The following FUCA2 variants were observed in gnomAD, a reference collection of about 807,000 sequenced individuals.
FUCA2 encodes plasma alpha-L-fucosidase.
In FUCA2, 41 loss-of-function variants were observed where a neutral mutation model predicts 52.6. The observed-to-expected ratio is 0.78, with a 90% CI of 0.61 to 1.01. The LOEUF (loss-of-function observed/expected upper bound fraction) is 1.01, where lower values mean the gene tolerates loss of function less well. FUCA2 is among the 50% of genes least tolerant of loss of function. The probability of loss-of-function intolerance (pLI) is 0.00; values close to 1 mark genes in which losing one functional copy is unlikely to be tolerated. For synonymous variants in FUCA2, 211 were observed against 217.3 expected (o/e 0.97, Z 0.26); for missense variants, 507 against 569.5 (o/e 0.89, Z 1.12).
chr6:143,502,189 G>A lies in FUCA2; in HGVS notation c.964-67C>T, dbSNP rs1780538582. 1.4e-6 allele frequency: 2 copies of A among 1,379,676 alleles called. No homozygotes were observed. The highest frequency in any genetic ancestry group is 2.2e-5 in the Admixed American group (1 of 46,250). The allele number at this position is 1,379,676 out of a possible 1,614,324, so 85.5% of individuals were successfully genotyped here. On this transcript the variant is annotated intron_variant, in intron 4 of 6. Coordinates refer to ENST00000002165, the MANE Select transcript of FUCA2 (RefSeq NM_032020.5). This position sits in a 1 kb window ranked among gnomAD's most constrained non-coding sequence, Gnocchi z 4.1. ...TCCATCTTTAATGTGCTAATATGTTGCATTTATATATTTATACATGTATAT... is the reference window on the plus strand; with the variant it reads ...TCCATCTTTAATGTGCTAATATGTTACATTTATATATTTATACATGTATAT...
At chr6:143,508,636 C>T (rs1005529581) in intron 1 of FUCA2, among the ~76,000 whole-genome samples, 1 of 152,218 alleles carries the variant, frequency 6.6e-6, no homozygotes, top group Admixed American at 6.5e-5. Flanking sequence ...TGGTTTCCCT[C>T]CTAATGAAAA....
Position 143,501,875 on chromosome 6 carries a change from G to A in FUCA2, c.1154+57C>T. On this transcript the variant is annotated intron_variant, in intron 5 of 6. Transcript: ENST00000002165. This position sits in a 1 kb window ranked among gnomAD's most constrained non-coding sequence, Gnocchi z 6.1. ...TTATCCTACTCTTCTTTATATGTCT[G>A]ATAAATTTTAAATCTCTTCCTTTAT... 6.9e-7 allele frequency: 1 copy of A among 1,455,418 alleles called. No homozygotes were observed. Among genetic ancestry groups the A allele is most frequent in the Non-Finnish European group, 9.4e-7 (1 of 1,062,068 alleles). 90.2% of individuals were successfully genotyped at this position (1,455,418 alleles called of 1,614,324 possible).
At position 143,502,261 on chromosome 6, in the gene FUCA2, T is replaced by C. The variant is rs1780539731; in HGVS notation, c.963+94A>G. On this transcript the variant is annotated intron_variant, in intron 4 of 6. Coordinates refer to ENST00000002165, the MANE Select transcript of FUCA2 (RefSeq NM_032020.5). The surrounding 1 kb of genome is among the most constrained non-coding windows in gnomAD (Gnocchi z 4.1). Reference sequence around the variant, plus strand: ...AAACACAGGATAGAACAATGTCCTATATTTATAGGCCATTGAGCCATAGAA... The same window carrying C: ...AAACACAGGATAGAACAATGTCCTACATTTATAGGCCATTGAGCCATAGAA... 3 of 1,391,008 alleles carry C rather than the reference T, an allele frequency of 2.2e-6. No individual in the cohort carries two copies. The highest frequency in any genetic ancestry group is 1.4e-5 in the African/African-American group (1 of 69,612). The allele number at this position is 1,391,008 out of a possible 1,614,324, so 86.2% of individuals were successfully genotyped here. A position where few individuals can be genotyped will look rare whatever the true frequency, so the allele number is the denominator to read the frequency against.
Position 143,507,560 on chromosome 6 carries a change from C to T in FUCA2, c.225-136G>A, listed in dbSNP as rs1780625273. ...CTTTCTCACTTCCCCATTAGTTTGA[C>T]TTGGCTTTAAAGATAGCTTATGCAA... On this transcript the variant is annotated intron_variant, in intron 1 of 6. Transcript: ENST00000002165. This position sits in a 1 kb window ranked among gnomAD's most constrained non-coding sequence, Gnocchi z 4.5. 3.1e-6 allele frequency: 2 copies of T among 639,868 alleles called. No individual in the cohort carries two copies. Among genetic ancestry groups the T allele is most frequent in the Non-Finnish European group, 5.1e-6 (2 of 393,548 alleles). 39.6% of individuals were successfully genotyped at this position (639,868 alleles called of 1,614,324 possible). A position where few individuals can be genotyped will look rare whatever the true frequency, so the allele number is the denominator to read the frequency against.
At chr6:143,505,377 C>T (rs906595014) in intron 2 of FUCA2, 6 of 135,660 alleles carry the variant, frequency 4.4e-5, no homozygotes, top group African/African-American at 1.5e-4. Flanking sequence ...TTCAGTGGTG[C>T]GAACTTCGCT....
At chr6:143,498,115 G>A (rs1780484342) in intron 5 of FUCA2, among the ~76,000 whole-genome samples, 1 of 151,948 alleles carries the variant, frequency 6.6e-6, no homozygotes, top group African/African-American at 2.4e-5. Context: ...CATTTAATCT[G>A]AGACTTAAAG....
Position 143,497,501 on chromosome 6 carries a change from G to C in FUCA2, c.1155-4C>G. The C allele has an allele frequency of 6.5e-7, 1 of 1,548,760 alleles. No individual in the cohort carries two copies. Among genetic ancestry groups the C allele is most frequent in the Non-Finnish European group, 8.9e-7 (1 of 1,123,652 alleles). On this transcript the variant is annotated splice_polypyrimidine_tract_variant and splice_region_variant and intron_variant, in intron 5 of 6. Coordinates refer to ENST00000002165, the MANE Select transcript of FUCA2 (RefSeq NM_032020.5). The surrounding 1 kb of genome is among the most constrained non-coding windows in gnomAD (Gnocchi z 5.3). ...TTCTTTAGGCTTGGATGTGTACCTG[G>C]TTAAAAGAAAAAAATAAAGAGCATA...
Position 143,502,567 on chromosome 6 carries a change from T to C in FUCA2, c.753-2A>G. On this transcript the variant is annotated splice_acceptor_variant, in intron 3 of 6. Transcript: ENST00000002165. LOFTEE classifies it high-confidence loss of function. This position sits in a 1 kb window ranked among gnomAD's most constrained non-coding sequence, Gnocchi z 4.1. ...GTGACTACTGTGCCCCGAACTGGGC[T>C]GAAATGAAACATACAATTTTTTAAA... 1.2e-6 allele frequency: 2 copies of C among 1,607,202 alleles called. No individual in the cohort carries two copies. The highest frequency in any genetic ancestry group is 1.7e-6 in the Non-Finnish European group (2 of 1,178,062).
Position 143,500,910 on chromosome 6 carries a change from C to G in FUCA2, c.1154+1022G>C, listed in dbSNP as rs1202766141. ...AGGCTCCTATGGTGAGGAGGGAGAG[C>G]AGGACCACTCAGTGGCAGGGAAGTT... On this transcript the variant is annotated intron_variant, in intron 5 of 6. Coordinates refer to ENST00000002165, the MANE Select transcript of FUCA2 (RefSeq NM_032020.5). The surrounding 1 kb of genome is among the most constrained non-coding windows in gnomAD (Gnocchi z 6.9). 1.3e-5 allele frequency among the ~76,000 whole-genome samples: 2 copies of G among 152,064 alleles called. No individual in the cohort carries two copies. The highest frequency in any genetic ancestry group is 4.8e-5 in the African/African-American group (2 of 41,402).
Position 143,511,696 on chromosome 6 carries a change from C to A in FUCA2, c.-62G>T. The A allele has an allele frequency of 7.3e-7, 1 of 1,376,860 alleles. No individual in the cohort carries two copies. Among genetic ancestry groups the A allele is most frequent in the East Asian group, 2.6e-5 (1 of 38,286 alleles). 85.3% of individuals were successfully genotyped at this position (1,376,860 alleles called of 1,614,324 possible). Reference sequence around the variant, plus strand: ...CCGCGGCCTCGGGAGCGCTGTTCTTCCGTCTCTGCCGCTGAGTATGCCGCG... The same window carrying A: ...CCGCGGCCTCGGGAGCGCTGTTCTTACGTCTCTGCCGCTGAGTATGCCGCG... On this transcript the variant is annotated 5_prime_UTR_variant, in exon 1 of 7. Coordinates refer to ENST00000002165, the MANE Select transcript of FUCA2 (RefSeq NM_032020.5). The surrounding 1 kb of genome is among the most constrained non-coding windows in gnomAD (Gnocchi z 6.3).
chr6:143,507,422 C>T lies in FUCA2; in HGVS notation c.227G>A (p.Trp76Ter). The stretch of plus-strand genomic sequence containing the variant: ...CGGTATCTTTTCCTTTTGCCAATAC[C>T]ACCTAAGGGGAGGAAAGGAAAGAGT... Reference protein sequence around the residue: ...VPSFGSEWFWWYWQKEKIPKY... With the variant: ...VPSFGSEWFW Residue 76 changes from tryptophan (W) to a stop codon, truncating the protein, a stop_gained and splice_region_variant, in exon 2 of 7, where the codon TGG becomes TAG. Coordinates refer to ENST00000002165, the MANE Select transcript of FUCA2 (RefSeq NM_032020.5). LOFTEE classifies it high-confidence loss of function. The surrounding 1 kb of genome is among the most constrained non-coding windows in gnomAD (Gnocchi z 4.5). 1.3e-6 allele frequency: 2 copies of T among 1,586,680 alleles called. No homozygotes were observed. The highest frequency in any genetic ancestry group is 1.7e-6 in the Non-Finnish European group (2 of 1,171,806).
At position 143,507,482 on chromosome 6, in the gene FUCA2, C is replaced by T. The variant is rs2128422610; in HGVS notation, c.225-58G>A. ...GCACATACACACATATTTAAAAGAACTGCTCCAGCTCCCCTTACCATTTAC... is the reference window on the plus strand; with the variant it reads ...GCACATACACACATATTTAAAAGAATTGCTCCAGCTCCCCTTACCATTTAC... On this transcript the variant is annotated intron_variant, in intron 1 of 6. Coordinates refer to ENST00000002165, the MANE Select transcript of FUCA2 (RefSeq NM_032020.5). This position sits in a 1 kb window ranked among gnomAD's most constrained non-coding sequence, Gnocchi z 4.5. 5.7e-6 allele frequency: 7 copies of T among 1,222,070 alleles called. No homozygotes were observed. In the South Asian group the frequency reaches 9.4e-5, roughly 16 times the overall value. The allele number at this position is 1,222,070 out of a possible 1,614,324, so 75.7% of individuals were successfully genotyped here. A position where few individuals can be genotyped will look rare whatever the true frequency, so the allele number is the denominator to read the frequency against.
Position 143,501,864 on chromosome 6 carries a change from T to C in FUCA2, c.1154+68A>G, listed in dbSNP as rs1455708957. ...AATTTCTCTTTTTATCCTACTCTTC[T>C]TTATATGTCTGATAAATTTTAAATC... On this transcript the variant is annotated intron_variant, in intron 5 of 6. Coordinates refer to ENST00000002165, the MANE Select transcript of FUCA2 (RefSeq NM_032020.5). The surrounding 1 kb of genome is among the most constrained non-coding windows in gnomAD (Gnocchi z 6.1). The C allele has an allele frequency of 7.2e-7, 1 of 1,388,534 alleles. No homozygotes were observed. 86.0% of individuals were successfully genotyped at this position (1,388,534 alleles called of 1,614,324 possible). A position where few individuals can be genotyped will look rare whatever the true frequency, so the allele number is the denominator to read the frequency against.
Position 143,504,036 on chromosome 6 carries a change from A to G in FUCA2, c.629T>C (p.Leu210Ser). 6.2e-7 allele frequency: 1 copy of G among 1,614,150 alleles called. No individual in the cohort carries two copies. Among genetic ancestry groups the G allele is most frequent in the Non-Finnish European group, 8.5e-7 (1 of 1,180,018 alleles). The change falls in exon 3 of 7, where the codon TTG becomes TCG. Residue 210 changes from leucine to serine, a missense_variant. Coordinates refer to ENST00000002165, the MANE Select transcript of FUCA2 (RefSeq NM_032020.5). This position sits in a 1 kb window ranked among gnomAD's most constrained non-coding sequence, Gnocchi z 4.4. ...HKRQFPVSKT[L>S]PELYELVNNY... ...GTTCACTAACTCATAGAGCTCTGGC[A>G]ATGTCTTAGAAACTGGAAATTGCCG...
chr6:143,501,336 C>A lies in FUCA2; in HGVS notation c.1154+596G>T, dbSNP rs567975038. Among the ~76,000 whole-genome samples, 4 of 152,286 alleles carry A rather than the reference C, an allele frequency of 2.6e-5. No homozygotes were observed. The highest frequency in any genetic ancestry group is 4.4e-5 in the Non-Finnish European group (3 of 68,032). On this transcript the variant is annotated intron_variant, in intron 5 of 6. Coordinates refer to ENST00000002165, the MANE Select transcript of FUCA2 (RefSeq NM_032020.5). The surrounding 1 kb of genome is among the most constrained non-coding windows in gnomAD (Gnocchi z 6.1). Reference sequence around the variant, plus strand: ...ACAGTACTCAGGTGGCAACTGAAAGCGAATTTTTAGAACTTCACCAATACT... The same window carrying A: ...ACAGTACTCAGGTGGCAACTGAAAGAGAATTTTTAGAACTTCACCAATACT...
chr6:143,495,740 C>G lies in FUCA2; in HGVS notation c.1371G>C (p.Trp457Cys). 1 of 1,614,012 alleles carries G rather than the reference C, an allele frequency of 6.2e-7. No individual in the cohort carries two copies. Among genetic ancestry groups the G allele is most frequent in the Non-Finnish European group, 8.5e-7 (1 of 1,179,958 alleles). ...CATTAGTCAGGGCTAGAGCCCAGCC[C>G]CATTTACACGGCATCTGATGAATGG... ...QLTIHQMPCK[W>C]GWALALTNVI The change falls in exon 7 of 7, where the codon TGG (tryptophan) becomes TGC (cysteine). Residue 457 changes from tryptophan (W) to cysteine (C), a missense_variant. Trp to Cys is a radical substitution (Grantham distance 215, BLOSUM62 -2). Coordinates refer to ENST00000002165, the MANE Select transcript of FUCA2 (RefSeq NM_032020.5). This position sits in a 1 kb window ranked among gnomAD's most constrained non-coding sequence, Gnocchi z 5.2.
At position 143,502,686 on chromosome 6, in the gene FUCA2, G is replaced by T. The variant is rs1314494051; in HGVS notation, c.753-121C>A. On this transcript the variant is annotated intron_variant, in intron 3 of 6. Transcript: ENST00000002165. This position sits in a 1 kb window ranked among gnomAD's most constrained non-coding sequence, Gnocchi z 4.1. ...TGAAAAGGGACCATGGCATAGTACA[G>T]TGGAAAGCCCATGGTTTTGAAGTCA... 2 of 821,302 alleles carry T rather than the reference G, an allele frequency of 2.4e-6. No homozygotes were observed. Among genetic ancestry groups the T allele is most frequent in the Non-Finnish European group, 3.7e-6 (2 of 538,298 alleles). The allele number at this position is 821,302 out of a possible 1,614,324, so 50.9% of individuals were successfully genotyped here.
chr6:143,498,773 CTGAT>C (rs1166185327), intron 5 of FUCA2, among the ~76,000 whole-genome samples: 6 of 152,070 alleles, frequency 3.9e-5, no homozygotes, highest in Admixed American at 6.5e-5. Flanking sequence ...AAAGTATACT[CTGAT>C]TGCTTTGTGG....
In FUCA2 at chr6:143,502,846, G is replaced by A. The variant is rs1455037061; in HGVS notation, c.753-281C>T. On this transcript the variant is annotated intron_variant, in intron 3 of 6. Coordinates refer to ENST00000002165, the MANE Select transcript of FUCA2 (RefSeq NM_032020.5). The surrounding 1 kb of genome is among the most constrained non-coding windows in gnomAD (Gnocchi z 4.1). ...CAAAAATAAGTTATGTAAAACATTAGCCTGGTACCCAGCACATATAGCACT... is the reference window on the plus strand; with the variant it reads ...CAAAAATAAGTTATGTAAAACATTAACCTGGTACCCAGCACATATAGCACT... 3 of 338,830 alleles carry A rather than the reference G, an allele frequency of 8.9e-6. No individual in the cohort carries two copies. The highest frequency in any genetic ancestry group is 1.6e-5 in the Non-Finnish European group (3 of 184,766). 21.0% of individuals were successfully genotyped at this position (338,830 alleles called of 1,614,324 possible).
Sources: allele counts gnomAD v4.1 joint callset (sites outside exome capture counted in the v4.1 genomes callset), GRCh38; gene constraint gnomAD v4.1.1; non-coding constraint Gnocchi (gnomAD v3.1); transcripts MANE v1.5; gene names NCBI Gene and HGNC (gene_info 2026-07-23, HGNC 2026-07-21).